NTRK3: variants seen among roughly 807,000 people sequenced by gnomAD.
NTRK3 encodes neurotrophic receptor tyrosine kinase 3.
In NTRK3, 24 loss-of-function variants were observed where a neutral mutation model predicts 91.7. The observed-to-expected ratio is 0.26, with a 90% CI of 0.19 to 0.37. The LOEUF is 0.37. Ranked by LOEUF, NTRK3 falls within the 10% of genes least tolerant of loss-of-function variation. The pLI is 1.00. For missense variants in NTRK3, 880 were observed against 1,068.9 expected, an observed-to-expected ratio of 0.82 and a Z score of 2.46; for synonymous variants, 483 against 404.0, an observed-to-expected ratio of 1.20 and a Z score of -2.34.
At chr15:87,962,056 A>C (rs529448843) in intron 14 of NTRK3, among the ~76,000 whole-genome samples, 66 of 152,348 alleles carry the variant, frequency 4.3e-4, no homozygotes, top group African/African-American at 1.4e-3. Flanking sequence ...CACCTCTAAC[A>C]GATGACCAAC....
rs572358512 is a variant in NTRK3 at position 87,985,605 on chromosome 15, G to A, written c.1586-44852C>T. Among the ~76,000 whole-genome samples, 8 of 152,204 alleles carry A rather than the reference G, an allele frequency of 5.3e-5. No homozygotes were observed. The South Asian group carries it at 8.3e-4, about 16-fold the overall frequency. Reference sequence around the variant, plus strand: ...ATGAGTGACGAGATTGTCCTGGCCCGCATGCCACGGTTGCCAAGTCTGGTT... The same window carrying A: ...ATGAGTGACGAGATTGTCCTGGCCCACATGCCACGGTTGCCAAGTCTGGTT... On this transcript the variant is annotated intron_variant, in intron 14 of 18. Transcript: ENST00000394480.
intron 13 of NTRK3, among the ~76,000 whole-genome samples, chr15:88,067,518 G>A (rs2046756329): frequency 6.6e-6 from 1 of 152,146 alleles, no homozygotes. Context: ...AAAGCACGAT[G>A]TGATTCTACA....
At chr15:88,203,472 T>A (rs1467771123) in intron 3 of NTRK3, among the ~76,000 whole-genome samples, 1 of 152,168 alleles carries the variant, frequency 6.6e-6, no homozygotes, top group South Asian at 2.1e-4. Context: ...TTCAATCCCA[T>A]AACCACCCTA....
chr15:88,124,144 C>G (rs1057377477), intron 13 of NTRK3, among the ~76,000 whole-genome samples: 3 of 152,182 alleles, frequency 2.0e-5, no homozygotes, highest in African/African-American at 7.2e-5. Flanking sequence ...GAGATTCAGG[C>G]TTAATTCTAA....
chr15:87,884,393 T>C (rs2065418842), intron 17 of NTRK3, among the ~76,000 whole-genome samples: 1 of 151,778 alleles, frequency 6.6e-6, no homozygotes, highest in African/African-American at 2.4e-5. Flanking sequence ...TTGAGTTCTA[T>C]TAAAGTTTTC....
chr15:87,889,435 A>T (rs2065735553), intron 17 of NTRK3, among the ~76,000 whole-genome samples: 1 of 114,492 alleles, frequency 8.7e-6, no homozygotes, highest in African/African-American at 3.7e-5. Context: ...ACGAAGTCTC[A>T]CTCTTGTTGC....
chr15:88,040,509 C>T (rs529444633), intron 13 of NTRK3, among the ~76,000 whole-genome samples: 1 of 152,336 alleles, frequency 6.6e-6, no homozygotes, highest in South Asian at 2.1e-4. Flanking sequence ...ACTGATACAT[C>T]AATACTCACT....
At chr15:87,954,140 G>C (rs28424584) in intron 14 of NTRK3, among the ~76,000 whole-genome samples, 1 of 151,946 alleles carries the variant, frequency 6.6e-6, no homozygotes, top group African/African-American at 2.4e-5. Context: ...CCACTGTGCA[G>C]GGTTCAGGCA....
intron 3 of NTRK3, among the ~76,000 whole-genome samples, chr15:88,221,393 G>A (rs903902754): frequency 3.3e-5 from 5 of 152,208 alleles, no homozygotes; most frequent in Non-Finnish European, 5.9e-5. Context: ...CAATAAAGAT[G>A]AGAAAAATAA....
At position 88,240,352 on chromosome 15, in the gene NTRK3, G is replaced by A. The variant is rs2052226418; in HGVS notation, c.248+15554C>T. Among the ~76,000 whole-genome samples the A allele has an allele frequency of 6.6e-6, 1 of 152,136 alleles. No homozygotes were observed. Among genetic ancestry groups the A allele is most frequent in the South Asian group, 2.1e-4 (1 of 4,822 alleles). On this transcript the variant is annotated intron_variant, in intron 3 of 18. Coordinates refer to ENST00000394480, the Ensembl canonical transcript of NTRK3. This position sits in a 1 kb window ranked among gnomAD's most constrained non-coding sequence, Gnocchi z 4.9. ...ACCCGATAAACTGTGGCAGTGATGG[G>A]ACACAGGCCAGCCCCATCCTGCCCT...
intron 3 of NTRK3, among the ~76,000 whole-genome samples, chr15:88,218,552 A>T (rs554747318): frequency 6.6e-6 from 1 of 152,202 alleles, no homozygotes; most frequent in Non-Finnish European, 1.5e-5. Context: ...AAGGCACTCA[A>T]TGTTCAATCA....
intron 3 of NTRK3, among the ~76,000 whole-genome samples, chr15:88,239,545 C>T (rs780037601): frequency 2.6e-5 from 4 of 152,072 alleles, no homozygotes; most frequent in Admixed American, 1.3e-4. Context: ...GGTTGGATCA[C>T]GCAGGTCAAG....
At chr15:88,147,703 A>G (rs1329546287) in intron 5 of NTRK3, among the ~76,000 whole-genome samples, 1 of 152,140 alleles carries the variant, frequency 6.6e-6, no homozygotes, top group Non-Finnish European at 1.5e-5. Context: ...CCTCCCCACA[A>G]TAAAAGTTTA....
intron 3 of NTRK3, among the ~76,000 whole-genome samples, chr15:88,252,366 G>A (rs1407177038): frequency 6.6e-6 from 1 of 152,158 alleles, no homozygotes; most frequent in Non-Finnish European, 1.5e-5. Context: ...CCAGCCAGAA[G>A]AGGGCCTTCA....
chr15:88,010,336 T>A (rs2076787004), intron 14 of NTRK3, among the ~76,000 whole-genome samples: 1 of 152,234 alleles, frequency 6.6e-6, no homozygotes, highest in Non-Finnish European at 1.5e-5. Flanking sequence ...GGTCCTGGCT[T>A]GGAACTTCGG....
At chr15:87,968,920 G>C (rs1404594770) in intron 14 of NTRK3, among the ~76,000 whole-genome samples, 1 of 152,092 alleles carries the variant, frequency 6.6e-6, no homozygotes, top group African/African-American at 2.4e-5. Flanking sequence ...ACAGATGAAA[G>C]AACTCATTCC....
At chr15:88,117,615 T>C (rs984402849) in intron 13 of NTRK3, among the ~76,000 whole-genome samples, 1 of 152,258 alleles carries the variant, frequency 6.6e-6, no homozygotes, top group African/African-American at 2.4e-5. Context: ...TGCTGTGCTG[T>C]AGCTGTCTGG....
intron 14 of NTRK3, among the ~76,000 whole-genome samples, chr15:87,966,874 T>C (rs1015768708): frequency 6.6e-6 from 1 of 152,208 alleles, no homozygotes; most frequent in Non-Finnish European, 1.5e-5. Flanking sequence ...GTATTGTCTC[T>C]AGACTGGGGT....
At chr15:88,154,768 AG>A (rs2043730403) in intron 5 of NTRK3, among the ~76,000 whole-genome samples, 2 of 152,166 alleles carry the variant, frequency 1.3e-5, no homozygotes, top group African/African-American at 4.8e-5. Context: ...GGGTATTTCA[AG>A]GGGAAAAAGA....
Sources: gnomAD v4.1 joint callset for allele counts (sites outside exome capture counted in the v4.1 genomes callset) on GRCh38, gnomAD v4.1.1 for gene constraint, Gnocchi (gnomAD v3.1) non-coding constraint, MANE v1.5 for transcripts, NCBI Gene and HGNC (gene_info 2026-07-23, HGNC 2026-07-21) for gene names.